OXCT1: variants seen among roughly 807,000 people sequenced by gnomAD.
The protein encoded by OXCT1 is 3-oxoacid CoA-transferase 1, also known as succinyl-CoA:3-ketoacid coenzyme A transferase 1, mitochondrial.
In OXCT1, 27 loss-of-function variants were observed where a neutral mutation model predicts 69.6. The observed-to-expected ratio is 0.39, with a 90% CI of 0.29 to 0.54. The LOEUF (loss-of-function observed/expected upper bound fraction) is 0.54, where lower values mean the gene tolerates loss of function less well. Among genes scored for constraint, OXCT1 ranks in the 20% least tolerant of loss-of-function variants. OXCT1 has a pLI of 0.72. For missense variants in OXCT1, 437 were observed against 650.2 expected, an observed-to-expected ratio of 0.67 and a Z score of 3.57; for synonymous variants, 202 against 217.8, an observed-to-expected ratio of 0.93 and a Z score of 0.64.
intron 7 of OXCT1, among the ~76,000 whole-genome samples, chr5:41,828,287 T>C (rs1453948150): frequency 6.6e-6 from 1 of 151,442 alleles, no homozygotes; most frequent in African/African-American, 2.4e-5. Flanking sequence ...TTTTTTTTTT[T>C]GCATTTTTAG....
At chr5:41,755,652 A>G (rs1370763383) in intron 14 of OXCT1, among the ~76,000 whole-genome samples, 1 of 152,092 alleles carries the variant, frequency 6.6e-6, no homozygotes, top group African/African-American at 2.4e-5. Flanking sequence ...AACTCCATTT[A>G]CCTTTTATAA....
Position 41,742,986 on chromosome 5 carries a change from A to T in OXCT1, c.1420-3495T>A, listed in dbSNP as rs1208230601. ...CAGCATGATTTATAATCCTTTGGGTATATACACAGTAATGGGATGGCTGGG... is the reference window on the plus strand; with the variant it reads ...CAGCATGATTTATAATCCTTTGGGTTTATACACAGTAATGGGATGGCTGGG... On this transcript the variant is annotated intron_variant, in intron 15 of 16. Transcript: ENST00000196371. Among the ~76,000 whole-genome samples, 2 of 152,176 alleles carry T rather than the reference A, an allele frequency of 1.3e-5. 1 individual carries two copies. The highest frequency in any genetic ancestry group is 4.8e-5 in the African/African-American group (2 of 41,438).
chr5:41,850,849 T>C (rs1749142267), intron 4 of OXCT1, among the ~76,000 whole-genome samples: 1 of 152,216 alleles, frequency 6.6e-6, no homozygotes, highest in Admixed American at 6.5e-5. Flanking sequence ...ATTTCAAGAC[T>C]AGTTTCCCTG....
intron 14 of OXCT1, among the ~76,000 whole-genome samples, chr5:41,753,527 AC>A (rs950637024): frequency 1.3e-5 from 2 of 151,998 alleles, no homozygotes; most frequent in African/African-American, 2.4e-5. Flanking sequence ...AAACGGCAAC[AC>A]CCTTCCTATT....
intron 13 of OXCT1, among the ~76,000 whole-genome samples, chr5:41,774,901 TAAAA>T (rs1745049511): frequency 1.3e-5 from 2 of 151,516 alleles, no homozygotes; most frequent in South Asian, 4.2e-4. Context: ...TCTCAAAAAA[TAAAA>T]TAAATAAATA....
intron 13 of OXCT1, among the ~76,000 whole-genome samples, chr5:41,771,330 A>G (rs1579702107): frequency 1.3e-5 from 2 of 152,250 alleles, no homozygotes; most frequent in Non-Finnish European, 2.9e-5. Context: ...TAAGAAATTA[A>G]TAAGTATTTA....
At chr5:41,854,445 G>A (rs1272027132) in intron 3 of OXCT1, among the ~76,000 whole-genome samples, 1 of 152,086 alleles carries the variant, frequency 6.6e-6, no homozygotes, top group South Asian at 2.1e-4. Flanking sequence ...ATAGATAACT[G>A]AATGAATTAT....
chr5:41,792,834 C>G (rs1745986713), intron 13 of OXCT1, among the ~76,000 whole-genome samples: 1 of 152,152 alleles, frequency 6.6e-6, no homozygotes, highest in South Asian at 2.1e-4. Context: ...GGTTCTCAAA[C>G]CTGGTCACAT....
intron 15 of OXCT1, among the ~76,000 whole-genome samples, chr5:41,742,686 A>G (rs1743235225): frequency 6.6e-6 from 1 of 151,364 alleles, no homozygotes; most frequent in Non-Finnish European, 1.5e-5. Context: ...CCTGTGTCCA[A>G]GTGTTCTCAT....
At chr5:41,861,828 A>T (rs1219757587) in intron 2 of OXCT1, among the ~76,000 whole-genome samples, 1 of 152,222 alleles carries the variant, frequency 6.6e-6, no homozygotes, top group Non-Finnish European at 1.5e-5. Flanking sequence ...GATTACTCAA[A>T]TTGTATTGGG....
At chr5:41,787,658 A>AAAAAAAAAAAAAAAAAAAG (rs36121472) in intron 13 of OXCT1, among the ~76,000 whole-genome samples, 1 of 147,856 alleles carries the variant, frequency 6.8e-6, no homozygotes. Flanking sequence ...AAAAAAAAAA[A>AAAAAAAAAAAAAAAAAAAG]GCCCAAAACT....
At chr5:41,775,333 A>G (rs1250081926) in intron 13 of OXCT1, among the ~76,000 whole-genome samples, 1 of 152,220 alleles carries the variant, frequency 6.6e-6, no homozygotes, top group Non-Finnish European at 1.5e-5. Flanking sequence ...CTCAGCTTCA[A>G]TAATTTGCTA....
intron 16 of OXCT1, among the ~76,000 whole-genome samples, 184 bp from the exon 17 acceptor site, chr5:41,731,954 T>A (rs1742655471): frequency 6.6e-6 from 1 of 152,158 alleles, no homozygotes; most frequent in Non-Finnish European, 1.5e-5. Context: ...ACATTTTGGG[T>A]ATTTTGTAGT....
intron 7 of OXCT1, among the ~76,000 whole-genome samples, chr5:41,834,112 G>A (rs1380704257): frequency 1.3e-5 from 2 of 151,662 alleles, no homozygotes; most frequent in East Asian, 3.9e-4. Flanking sequence ...TTATAAGACA[G>A]TCTTTTCAAG....
chr5:41,763,520 G>A (rs551648776), intron 13 of OXCT1, among the ~76,000 whole-genome samples: 8 of 152,088 alleles, frequency 5.3e-5, no homozygotes, highest in Non-Finnish European at 8.8e-5. Context: ...CATTGATATC[G>A]TACAAAATAT....
chr5:41,853,034 G>A (rs191450154), intron 4 of OXCT1, among the ~76,000 whole-genome samples: 247 of 151,794 alleles, frequency 1.6e-3, no homozygotes, highest in African/African-American at 5.0e-3. Flanking sequence ...TCACACCGCC[G>A]CACTCCACCC....
intron 16 of OXCT1, among the ~76,000 whole-genome samples, chr5:41,734,156 A>G (rs970489675): frequency 1.3e-5 from 2 of 152,220 alleles, no homozygotes; most frequent in African/African-American, 2.4e-5. Flanking sequence ...TGGAGAATAA[A>G]GCCAAGGCTC....
chr5:41,789,539 A>G, intron 13 of OXCT1, among the ~76,000 whole-genome samples: 1 of 152,228 alleles, frequency 6.6e-6, no homozygotes, highest in East Asian at 1.9e-4. Flanking sequence ...TGAATATACT[A>G]CAACAGTGAT....
At chr5:41,758,122 C>A (rs1442142278) in intron 14 of OXCT1, among the ~76,000 whole-genome samples, 2 of 151,972 alleles carry the variant, frequency 1.3e-5, no homozygotes, top group African/African-American at 2.4e-5. Context: ...GGGGAGCAGA[C>A]TACAAGAGTC....
Sources: allele counts gnomAD v4.1 joint callset (sites outside exome capture counted in the v4.1 genomes callset), GRCh38; gene constraint gnomAD v4.1.1; transcripts MANE v1.5; gene names NCBI Gene and HGNC (gene_info 2026-07-23, HGNC 2026-07-21).